Variants in HPS4 observed in about 807,000 individuals in gnomAD.
HPS4 encodes BLOC-3 complex member HPS4.
A neutral mutation model predicts 70.3 loss-of-function variants in HPS4; 44 were observed. The ratio of observed to expected loss-of-function variants is 0.63; its 90% confidence interval spans 0.49 to 0.80. The LOEUF (loss-of-function observed/expected upper bound fraction) is 0.80. Among genes scored for constraint, HPS4 ranks in the 30% least tolerant of loss-of-function variants. The probability of loss-of-function intolerance (pLI) is 0.00; values close to 1 mark genes in which losing one functional copy is unlikely to be tolerated. For synonymous variants in HPS4, 377 were observed against 355.9 expected, an observed-to-expected ratio of 1.06 and a Z score of -0.67; for missense variants, 873 against 884.4, an observed-to-expected ratio of 0.99 and a Z score of 0.16.
Position 26,464,521 on chromosome 22 carries a change from G to A in HPS4, c.1109C>T (p.Ser370Phe). ...LVFLQEELDL[S>F]EIHIPEAQEV... ...CTGAGCCTCTGGAATGTGGATTTCA[G>A]ACAAGTCGAGTTCTTCTTGGAGAAA... Residue 370 changes from serine to phenylalanine, a missense_variant, in exon 11 of 14, where the codon TCT becomes TTT. Physicochemically the swap from Ser to Phe is radical, Grantham distance 155. Coordinates refer to ENST00000398145, the MANE Select transcript of HPS4 (RefSeq NM_022081.6). The A allele has an allele frequency of 2.5e-6, 4 of 1,614,202 alleles. No homozygotes were observed. Among genetic ancestry groups the A allele is most frequent in the Non-Finnish European group, 3.4e-6 (4 of 1,180,046 alleles).
At position 26,483,763 on chromosome 22, in the gene HPS4, A is replaced by T. The variant is rs1023210861; in HGVS notation, c.-568T>A. 3.3e-4 allele frequency: 195 copies of T among 587,954 alleles called. No homozygotes were observed. Among genetic ancestry groups the T allele is most frequent in the Non-Finnish European group, 4.8e-4 (188 of 390,976 alleles). 36.4% of individuals were successfully genotyped at this position (587,954 alleles called of 1,614,324 possible). On this transcript the variant is annotated 5_prime_UTR_variant, in exon 1 of 14. Transcript: ENST00000398145. Reference sequence around the variant, plus strand: ...TGGGTACCTGCGACTTCTGCCCCGTACCTGCGCGCGCGGCAGAGAGGCCTT... The same window carrying T: ...TGGGTACCTGCGACTTCTGCCCCGTTCCTGCGCGCGCGGCAGAGAGGCCTT...
At position 26,476,829 on chromosome 22, in the gene HPS4, GA is replaced by G. The variant is rs1602076329; in HGVS notation, c.276+163del. ...AATGTTTTGGAAAGCACTTGATGAT[GA>G]AAACCTGCAGAGAGTACCACAGGAA... On this transcript the variant is annotated intron_variant, in intron 4 of 13. Transcript: ENST00000398145. The G allele has an allele frequency of 8.4e-6, 6 of 716,660 alleles. No homozygotes were observed. In the East Asian group the frequency reaches 1.6e-4, roughly 20 times the overall value. 44.4% of individuals were successfully genotyped at this position (716,660 alleles called of 1,614,324 possible).
At position 26,463,930 on chromosome 22, in the gene HPS4, G is replaced by T. The variant is rs140234219; in HGVS notation, c.1700C>A (p.Ala567Asp). 6.2e-7 allele frequency: 1 copy of T among 1,613,468 alleles called. No homozygotes were observed. The highest frequency in any genetic ancestry group is 2.2e-5 in the East Asian group (1 of 44,890). Residue 567 changes from alanine to aspartate, a missense_variant, in exon 11 of 14, where the codon GCC becomes GAC. By Grantham distance (126) the Ala-to-Asp change is moderately radical (BLOSUM62 -2). Coordinates refer to ENST00000398145, the MANE Select transcript of HPS4 (RefSeq NM_022081.6). ...AEEPLLGDSAAIEEVYHSSLA... is the reference protein window; with the variant it reads ...AEEPLLGDSADIEEVYHSSLA... Reference sequence around the variant, plus strand: ...GAGGACACTCACCACTTCCTCTATGGCTGCGCTGTCTCCCAGCAGCGGCTC... The same window carrying T: ...GAGGACACTCACCACTTCCTCTATGTCTGCGCTGTCTCCCAGCAGCGGCTC...
chr22:26,475,272 T>C (rs1384861703), intron 4 of HPS4: 1 of 151,314 alleles, frequency 6.6e-6, no homozygotes, highest in Admixed American at 6.6e-5. Context: ...TGCAACAACA[T>C]GAACGAATTT....
At chr22:26,463,348 T>G (rs954587306) in intron 11 of HPS4, among the ~76,000 whole-genome samples, 1 of 152,114 alleles carries the variant, frequency 6.6e-6, no homozygotes, top group Admixed American at 6.5e-5. Context: ...TCTAGGGAAC[T>G]CCCAACCCAG....
rs1326628045 is a variant in HPS4, at chr22:26,451,996, GCGCGCGCGCACACACACACA to G, written c.*1217_*1236del. 51 of 40,450 alleles carry G rather than the reference GCGCGCGCGCACACACACACA, an allele frequency of 1.3e-3. 1 individual carries two copies. Among genetic ancestry groups the G allele is most frequent in the African/African-American group, 2.3e-3 (43 of 18,300 alleles). The allele number at this position is 40,450 out of a possible 1,614,324, so 2.5% of individuals were successfully genotyped here. A position where few individuals can be genotyped will look rare whatever the true frequency, so the allele number is the denominator to read the frequency against. On this transcript the variant is annotated 3_prime_UTR_variant, in exon 14 of 14. Transcript: ENST00000398145. ...GGATGCGCCCACGTTACGCGCGCGC[GCGCGCGCGCACACACACACA>G]CACACACACACACACACACACACAC...
At chr22:26,471,616 AG>A (rs1409484034) in intron 6 of HPS4, among the ~76,000 whole-genome samples, 1 of 152,248 alleles carries the variant, frequency 6.6e-6, no homozygotes, top group Non-Finnish European at 1.5e-5. Flanking sequence ...GGCCAGCTAC[AG>A]GAAGTTTTCC....
downstream of HPS4, among the ~76,000 whole-genome samples, chr22:26,446,042 T>G (rs575879319): frequency 6.6e-6 from 1 of 152,070 alleles, no homozygotes; most frequent in East Asian, 1.9e-4. Flanking sequence ...TCACCTGGGA[T>G]CGCGATGTTT....
At chr22:26,461,869 G>C (rs1410575602) in intron 11 of HPS4, among the ~76,000 whole-genome samples, 7 of 152,164 alleles carry the variant, frequency 4.6e-5, no homozygotes, top group African/African-American at 1.7e-4. Context: ...AATCATGCCT[G>C]TAATCCCAGC....
rs1419388524 is a variant in HPS4 at position 26,483,775 on chromosome 22, G to A, written c.-580C>T. On this transcript the variant is annotated 5_prime_UTR_variant, in exon 1 of 14. Transcript: ENST00000398145. ...ACTTCTGCCCCGTACCTGCGCGCGC[G>A]GCAGAGAGGCCTTAGGTCACGCGCC... 8 of 700,720 alleles carry A rather than the reference G, an allele frequency of 1.1e-5. No individual in the cohort carries two copies. The highest frequency in any genetic ancestry group is 7.1e-5 in the East Asian group (2 of 28,032). 43.4% of individuals were successfully genotyped at this position (700,720 alleles called of 1,614,324 possible).
Position 26,464,280 on chromosome 22 carries a change from G to C in HPS4, c.1350C>G (p.Ser450Arg). The C allele has an allele frequency of 6.2e-7, 1 of 1,614,112 alleles. No homozygotes were observed. ...QEQLEDHPGHSSQAPIPRADP... is the reference protein window; with the variant it reads ...QEQLEDHPGHRSQAPIPRADP... ...CTGCTCTGGGAATGGGGGCTTGGCTGCTATGGCCAGGATGGTCTTCGAGCT... is the reference window on the plus strand; with the variant it reads ...CTGCTCTGGGAATGGGGGCTTGGCTCCTATGGCCAGGATGGTCTTCGAGCT... The change falls in exon 11 of 14, where the codon AGC becomes AGG. Residue 450 changes from serine (S) to arginine (R), a missense_variant. Physicochemically the swap from Ser to Arg is moderately radical, Grantham distance 110. Transcript: ENST00000398145.
At position 26,452,294 on chromosome 22, in the gene HPS4, A is replaced by G. The variant is rs989570182; in HGVS notation, c.*939T>C. The G allele has an allele frequency of 8.8e-6, 4 of 455,268 alleles. No homozygotes were observed. Among genetic ancestry groups the G allele is most frequent in the African/African-American group, 4.0e-5 (2 of 49,964 alleles). 28.2% of individuals were successfully genotyped at this position (455,268 alleles called of 1,614,324 possible). On this transcript the variant is annotated 3_prime_UTR_variant, in exon 14 of 14. Transcript: ENST00000398145. ...ATATTTTCATCCTGCAGTCTGTCTC[A>G]TACTGTCAAAAAAATGTCTGACTAT...
chr22:26,464,812 G>A lies in HPS4; in HGVS notation c.818C>T (p.Pro273Leu). The change falls in exon 11 of 14, where the codon CCA (proline) becomes CTA (leucine). Residue 273 changes from proline (P) to leucine (L), a missense_variant. Transcript: ENST00000398145. ...GGCTGAACCATCCTGGAGTCCTGCTGGAGATGCTAGAGACCTGGCAAACAA... is the reference window on the plus strand; with the variant it reads ...GGCTGAACCATCCTGGAGTCCTGCTAGAGATGCTAGAGACCTGGCAAACAA... ...VEQMTRSLAS[P>L]AGLQDGSAQH... 3.1e-6 allele frequency: 5 copies of A among 1,592,828 alleles called. No individual in the cohort carries two copies. Among genetic ancestry groups the A allele is most frequent in the Non-Finnish European group, 4.3e-6 (5 of 1,171,896 alleles).
intron 11 of HPS4, among the ~76,000 whole-genome samples, chr22:26,463,314 G>A (rs573195707): frequency 6.6e-6 from 1 of 152,320 alleles, no homozygotes; most frequent in African/African-American, 2.4e-5. Flanking sequence ...ACGATGCTGG[G>A]GCTATGGAGG....
At chr22:26,449,055 G>C (rs1282280981), downstream of HPS4, among the ~76,000 whole-genome samples, 1 of 152,110 alleles carries the variant, frequency 6.6e-6, no homozygotes, top group African/African-American at 2.4e-5. Context: ...ATTAGTGTGG[G>C]TTTCCTGCTC....
chr22:26,466,421 C>T (rs1247618029), intron 8 of HPS4, 159 bp from the exon 9 acceptor site: 3 of 797,174 alleles, frequency 3.8e-6, no homozygotes, highest in Non-Finnish European at 4.2e-6. Flanking sequence ...AACAGAAGCT[C>T]CCCCAAGCTG....
rs2085504247 is a variant in HPS4 at position 26,453,293 on chromosome 22, G to GGC, written c.2065_2066dup (p.Phe690ProfsTer13). The stretch of plus-strand genomic sequence containing the variant: ...GCTTTGCTTTGCCGGAGAGGCTGAA[G>GGC]GCGCCATCCTGAGGGTTTGGGAAGC... On this transcript the variant is annotated frameshift_variant, in exon 14 of 14. Transcript: ENST00000398145. LOFTEE classifies it high-confidence loss of function. 6.2e-7 allele frequency: 1 copy of GGC among 1,614,100 alleles called. No homozygotes were observed. The highest frequency in any genetic ancestry group is 1.3e-5 in the African/African-American group (1 of 74,942).
At chr22:26,455,010 T>C (rs1352730910) in intron 13 of HPS4, among the ~76,000 whole-genome samples, 4 of 152,136 alleles carry the variant, frequency 2.6e-5, no homozygotes, top group East Asian at 3.9e-4. Flanking sequence ...ATCAGAGCAA[T>C]GCAAATCAAA....
In HPS4 at chr22:26,457,871, T is replaced by C. The variant is rs2146354359; in HGVS notation, c.1943A>G (p.Glu648Gly). 6.2e-7 allele frequency: 1 copy of C among 1,614,110 alleles called. No individual in the cohort carries two copies. Among genetic ancestry groups the C allele is most frequent in the African/African-American group, 1.3e-5 (1 of 75,066 alleles). Residue 648 changes from glutamate (E) to glycine (G), a missense_variant, in exon 13 of 14, where the codon GAA (glutamate) becomes GGA (glycine). Coordinates refer to ENST00000398145, the MANE Select transcript of HPS4 (RefSeq NM_022081.6). ...CAGGGAGGCTCACCTGACAGTCATT[T>C]CATAAAGCGCGGGCAGCTGGGCAAA... ...SEFAQLPALYEMTVRNASTAV... is the reference protein window; with the variant it reads ...SEFAQLPALYGMTVRNASTAV...
Sources: allele counts gnomAD v4.1 joint callset (sites outside exome capture counted in the v4.1 genomes callset), GRCh38; gene constraint gnomAD v4.1.1; transcripts MANE v1.5; gene names NCBI Gene and HGNC (gene_info 2026-07-23, HGNC 2026-07-21).